MACROD2: variants seen among roughly 807,000 people sequenced by gnomAD.
MACROD2 encodes the protein ADP-ribose glycohydrolase MACROD2.
MACROD2 carries 36 observed loss-of-function variants against 70.4 expected under a neutral mutation model. The observed-to-expected ratio is 0.51, with a 90% CI of 0.39 to 0.68. The LOEUF is 0.68. Among genes scored for constraint, MACROD2 ranks in the 30% least tolerant of loss-of-function variants. The pLI is 0.00. For synonymous variants in MACROD2, 172 were observed against 178.8 expected, an observed-to-expected ratio of 0.96 and a Z score of 0.30; for missense variants, 496 against 538.4, an observed-to-expected ratio of 0.92 and a Z score of 0.78.
intron 5 of MACROD2, among the ~76,000 whole-genome samples, chr20:15,027,707 T>TAA (rs35450737): frequency 4.6e-5 from 6 of 131,002 alleles, no homozygotes; most frequent in African/African-American, 8.4e-5. Flanking sequence ...ACTCTCTAAT[T>TAA]AAAAAAAAAA....
At chr20:14,065,546 T>G (rs2053745371) in intron 2 of MACROD2, among the ~76,000 whole-genome samples, 2 of 152,184 alleles carry the variant, frequency 1.3e-5, no homozygotes, top group South Asian at 2.1e-4. Context: ...CAACTCAGAT[T>G]AGTAATAATT....
chr20:15,085,862 CACACACACACA>C (rs1380338254), intron 5 of MACROD2, among the ~76,000 whole-genome samples: 5 of 124,144 alleles, frequency 4.0e-5, no homozygotes, highest in African/African-American at 9.3e-5. Context: ...ATGAATAACA[CACACACACACA>C]ACACACACAC....
chr20:14,847,485 G>GTT (rs34778387), intron 5 of MACROD2, among the ~76,000 whole-genome samples: 19 of 121,436 alleles, frequency 1.6e-4, no homozygotes, highest in African/African-American at 5.7e-4. Context: ...AGTGTTGCCT[G>GTT]TTTTTTTTTT....
chr20:15,337,340 G>C (rs2078059779), intron 6 of MACROD2, among the ~76,000 whole-genome samples: 1 of 151,618 alleles, frequency 6.6e-6, no homozygotes, highest in African/African-American at 2.4e-5. Context: ...AGGCTAGTAG[G>C]GCCTGATCTA....
chr20:14,883,453 G>A (rs753650438), intron 5 of MACROD2, among the ~76,000 whole-genome samples: 1 of 152,030 alleles, frequency 6.6e-6, no homozygotes, highest in Non-Finnish European at 1.5e-5. Flanking sequence ...TAAGCATGTC[G>A]GACTAATGTC....
intron 6 of MACROD2, among the ~76,000 whole-genome samples, chr20:15,384,260 G>T (rs928327677): frequency 1.3e-5 from 2 of 151,970 alleles, no homozygotes; most frequent in Middle Eastern, 3.4e-3. Context: ...TTCCTTTTAA[G>T]AATTTATCCC....
chr20:15,803,828 C>T (rs796756667), intron 8 of MACROD2, among the ~76,000 whole-genome samples: 18 of 151,918 alleles, frequency 1.2e-4, no homozygotes, highest in South Asian at 2.1e-4. Flanking sequence ...CAAATAGAGA[C>T]GAAAAACAAC....
chr20:15,085,873 AACACACACACACAC>A lies in MACROD2; in HGVS notation c.419-144041_419-144028del, dbSNP rs3070249. ...AAAGATGAATAACACACACACACACAACACACACACACACACACACACACACACACACACACACA... is the reference window on the plus strand; with the variant it reads ...AAAGATGAATAACACACACACACACAACACACACACACACACACACACACA... On this transcript the variant is annotated intron_variant, in intron 5 of 17. Coordinates refer to ENST00000684519, the MANE Select transcript of MACROD2 (RefSeq NM_001351661.2). 2.5e-4 allele frequency among the ~76,000 whole-genome samples: 36 copies of A among 144,380 alleles called. 1 individual carries two copies. The highest frequency in any genetic ancestry group is 4.9e-4 in the African/African-American group (19 of 39,046). The allele number at this position is 144,380 out of a possible 152,430, so 94.7% of individuals were successfully genotyped here. A position where few individuals can be genotyped will look rare whatever the true frequency, so the allele number is the denominator to read the frequency against.
chr20:15,273,366 A>C (rs528152219), intron 6 of MACROD2, among the ~76,000 whole-genome samples: 17 of 152,154 alleles, frequency 1.1e-4, no homozygotes. Context: ...GCTTACAGAC[A>C]GCCTACTGTG....
At chr20:15,419,962 C>A (rs992510039) in intron 6 of MACROD2, among the ~76,000 whole-genome samples, 1 of 152,174 alleles carries the variant, frequency 6.6e-6, no homozygotes, top group African/African-American at 2.4e-5. Context: ...TGTTTTTAAT[C>A]TTTGTTTCTT....
intron 5 of MACROD2, among the ~76,000 whole-genome samples, chr20:14,885,342 T>C (rs2073660639): frequency 1.3e-5 from 2 of 152,160 alleles, no homozygotes; most frequent in African/African-American, 2.4e-5. Context: ...CTTAATCAGA[T>C]ATTATTGTAT....
intron 5 of MACROD2, among the ~76,000 whole-genome samples, chr20:14,881,376 G>A (rs2073609368): frequency 6.6e-6 from 1 of 151,508 alleles, no homozygotes; most frequent in South Asian, 2.1e-4. Flanking sequence ...AGGTCTAAGA[G>A]GCAAAATAAA....
intron 8 of MACROD2, among the ~76,000 whole-genome samples, chr20:15,837,499 A>G (rs1348568272): frequency 6.6e-6 from 1 of 152,128 alleles, no homozygotes; most frequent in Admixed American, 6.6e-5. Context: ...TGTCCTCAGT[A>G]GCAGACACTG....
intron 7 of MACROD2, among the ~76,000 whole-genome samples, chr20:15,490,226 TTCCTTCCTCCCTTCCC>T (rs1568844594): frequency 2.8e-5 from 3 of 105,886 alleles, no homozygotes; most frequent in Non-Finnish European, 6.4e-5. Context: ...CCTTCCTCCC[TTCCTTCCTCCCTTCCC>T]TTCCCTTCCC....
chr20:14,759,989 C>T (rs868384671), intron 5 of MACROD2, among the ~76,000 whole-genome samples: 13 of 152,028 alleles, frequency 8.6e-5, no homozygotes, highest in African/African-American at 3.1e-4. Context: ...CTGAGATAAA[C>T]AGATGGGAGC....
At chr20:15,876,762 G>C (rs6043589) in intron 9 of MACROD2, among the ~76,000 whole-genome samples, 136,279 of 152,198 alleles carry the variant, frequency 0.9, 62,220 homozygotes, top group Non-Finnish European at 0.99. Context: ...TCTCCACGTC[G>C]TCTCCAGCAC....
chr20:15,454,269 G>A (rs541685614), intron 7 of MACROD2, among the ~76,000 whole-genome samples: 2 of 151,996 alleles, frequency 1.3e-5, no homozygotes, highest in South Asian at 2.1e-4. Context: ...TTTGCTGTAG[G>A]TTATAAGCAT....
intron 6 of MACROD2, among the ~76,000 whole-genome samples, chr20:15,397,029 G>A (rs1044687361): frequency 1.3e-5 from 2 of 152,252 alleles, no homozygotes; most frequent in African/African-American, 2.4e-5. Flanking sequence ...CTAACAAAAC[G>A]TAGTTAAGGC....
At chr20:14,969,393 CACACACACAT>C (rs1461509115) in intron 5 of MACROD2, among the ~76,000 whole-genome samples, 22 of 146,812 alleles carry the variant, frequency 1.5e-4, no homozygotes, top group African/African-American at 3.4e-4. Flanking sequence ...CACACACACA[CACACACACAT>C]ATATAAGCAT....
Sources: gnomAD v4.1 joint callset for allele counts (sites outside exome capture counted in the v4.1 genomes callset) on GRCh38, gnomAD v4.1.1 for gene constraint, MANE v1.5 for transcripts, NCBI Gene and HGNC (gene_info 2026-07-23, HGNC 2026-07-21) for gene names.